The following SCFD1 variants were observed in gnomAD, a reference collection of about 807,000 sequenced individuals.
The protein encoded by SCFD1 is sec1 family domain-containing protein 1.
A neutral mutation model predicts 103.2 loss-of-function variants in SCFD1; 37 were observed. The observed-to-expected ratio is 0.36, with a 90% CI of 0.28 to 0.47. The LOEUF (loss-of-function observed/expected upper bound fraction) is 0.47. SCFD1 is among the 20% of genes least tolerant of loss of function. The pLI is 1.00. For synonymous variants in SCFD1, 264 were observed against 245.0 expected (o/e 1.08, Z -0.73); for missense variants, 639 against 761.2 (o/e 0.84, Z 1.89).
intron 7 of SCFD1, among the ~76,000 whole-genome samples, chr14:30,646,808 C>T (rs939042204): frequency 2.6e-5 from 4 of 151,996 alleles, no homozygotes; most frequent in Non-Finnish European, 4.4e-5. Flanking sequence ...TTTGTTATTC[C>T]AGAACTTCAG....
At chr14:30,643,851 T>A (rs899892030) in intron 7 of SCFD1, 2 of 410,950 alleles carry the variant, frequency 4.9e-6, no homozygotes, top group African/African-American at 4.2e-5. Context: ...TTATTTTTAA[T>A]TTTTTTTTAT....
At chr14:30,650,724 A>C in intron 9 of SCFD1, 74 bp downstream of exon 9, 1 of 845,922 alleles carries the variant, frequency 1.2e-6, no homozygotes, top group Non-Finnish European at 1.9e-6. Flanking sequence ...TTCTTGGCTG[A>C]TAGAATATCC....
At chr14:30,668,484 C>T (rs1368908393) in intron 10 of SCFD1, among the ~76,000 whole-genome samples, 3 of 152,142 alleles carry the variant, frequency 2.0e-5, no homozygotes, top group Admixed American at 6.5e-5. Context: ...AGGACATAGG[C>T]ATGGGCAAGG....
chr14:30,637,948 A>G (rs1285983157), intron 4 of SCFD1, among the ~76,000 whole-genome samples, 177 bp from the exon 5 acceptor site: 1 of 152,188 alleles, frequency 6.6e-6, no homozygotes, highest in Non-Finnish European at 1.5e-5. Flanking sequence ...CATTTTAGTT[A>G]CATCTGATAA....
At chr14:30,724,937 T>C (rs1267550679) in intron 23 of SCFD1, among the ~76,000 whole-genome samples, 1 of 152,188 alleles carries the variant, frequency 6.6e-6, no homozygotes, top group East Asian at 1.9e-4. Context: ...ATTTATTGAA[T>C]AGGGAGTCGT....
chr14:30,704,171 A>G (rs1422231334), intron 17 of SCFD1, among the ~76,000 whole-genome samples: 3 of 151,728 alleles, frequency 2.0e-5, no homozygotes, highest in African/African-American at 7.3e-5. Context: ...CATTGTTTAT[A>G]CATATGACAG....
intron 14 of SCFD1, chr14:30,683,014 GA>G: frequency 8.4e-7 from 1 of 1,189,696 alleles, no homozygotes; most frequent in Admixed American, 2.2e-5. Context: ...AAGTTAAAAA[GA>G]CGACACAAGG....
chr14:30,728,198 A>G (rs1359243070), intron 23 of SCFD1, among the ~76,000 whole-genome samples: 1 of 152,036 alleles, frequency 6.6e-6, no homozygotes, highest in African/African-American at 2.4e-5. Context: ...CTTTAATTTC[A>G]TGCCTTTTAT....
chr14:30,719,299 T>C lies in SCFD1; in HGVS notation c.1684-26T>C, dbSNP rs150956814. On this transcript the variant is annotated intron_variant, in intron 20 of 24. Transcript: ENST00000458591. ...CTTCTGAAGAGAAATTCCACAGTCATGGTAAAGTTCTATTTTTTTTAATAG... is the reference window on the plus strand; with the variant it reads ...CTTCTGAAGAGAAATTCCACAGTCACGGTAAAGTTCTATTTTTTTTAATAG... The C allele has an allele frequency of 1.3e-3, 1,931 of 1,482,082 alleles. 48 individuals carry two copies. In the Admixed American group the frequency reaches 0.033, roughly 25 times the overall value. The allele number at this position is 1,482,082 out of a possible 1,614,324, so 91.8% of individuals were successfully genotyped here. A position where few individuals can be genotyped will look rare whatever the true frequency, so the allele number is the denominator to read the frequency against.
At chr14:30,703,130 C>G (rs961902516) in intron 17 of SCFD1, among the ~76,000 whole-genome samples, 2 of 150,684 alleles carry the variant, frequency 1.3e-5, no homozygotes, top group Admixed American at 6.6e-5. Context: ...GCATGATAAA[C>G]AAGGCCCCAA....
intron 2 of SCFD1, among the ~76,000 whole-genome samples, chr14:30,629,577 ATT>A (rs571309645): frequency 1.9e-4 from 26 of 135,534 alleles, no homozygotes; most frequent in Admixed American, 2.2e-4. Context: ...TAGGGACTTA[ATT>A]TTTTTTTTTT....
At chr14:30,644,385 G>A (rs550085548) in intron 7 of SCFD1, among the ~76,000 whole-genome samples, 8 of 152,210 alleles carry the variant, frequency 5.3e-5, no homozygotes, top group South Asian at 2.1e-4. Flanking sequence ...TTGCTGAGTC[G>A]GATGGTAGTT....
chr14:30,720,566 G>C (rs1401608834), intron 21 of SCFD1, among the ~76,000 whole-genome samples: 2 of 152,040 alleles, frequency 1.3e-5, no homozygotes, highest in Non-Finnish European at 2.9e-5. Flanking sequence ...TATTTGGGGG[G>C]AAAAACGGAT....
intron 20 of SCFD1, among the ~76,000 whole-genome samples, chr14:30,717,278 C>T (rs117291084): frequency 0.035 from 5,268 of 152,226 alleles, 120 homozygotes; most frequent in Middle Eastern, 0.061. Flanking sequence ...GAGTTTGAGA[C>T]CAGCCTAGGC....
intron 14 of SCFD1, among the ~76,000 whole-genome samples, chr14:30,692,462 G>A (rs778622369): frequency 1.3e-5 from 2 of 152,132 alleles, no homozygotes; most frequent in African/African-American, 2.4e-5. Flanking sequence ...AAGGGAGAGA[G>A]TAGGGATTGA....
Position 30,622,411 on chromosome 14 carries a change from T to A in SCFD1, c.61+12T>A, listed in dbSNP as rs939543679. ...GGAAAGGCAGACAGGTACTGACTTA[T>A]TCTCTTCTCCTTGAAGCTTCGTGAC... On this transcript the variant is annotated intron_variant, in intron 1 of 24. Transcript: ENST00000458591. The A allele has an allele frequency of 6.4e-7, 1 of 1,551,688 alleles. No homozygotes were observed. Among genetic ancestry groups the A allele is most frequent in the Non-Finnish European group, 8.7e-7 (1 of 1,146,940 alleles).
At chr14:30,649,610 G>A (rs777428561) in intron 8 of SCFD1, 27 bp downstream of exon 8, 38 of 1,525,060 alleles carry the variant, frequency 2.5e-5, no homozygotes, top group Non-Finnish European at 3.3e-5. Context: ...ATCACGTGGA[G>A]ATAAATAACA....
At chr14:30,644,943 T>G (rs1885659834) in intron 7 of SCFD1, among the ~76,000 whole-genome samples, 1 of 152,204 alleles carries the variant, frequency 6.6e-6, no homozygotes, top group Non-Finnish European at 1.5e-5. Flanking sequence ...TAGGTTTTCT[T>G]CTAGGATTTT....
At chr14:30,729,803 A>G (rs1594776456) in intron 23 of SCFD1, among the ~76,000 whole-genome samples, 1 of 152,050 alleles carries the variant, frequency 6.6e-6, no homozygotes, top group African/African-American at 2.4e-5. Flanking sequence ...TTCCTTTTAT[A>G]TCTTTAATTT....
Sources: gnomAD v4.1 joint callset for allele counts (sites outside exome capture counted in the v4.1 genomes callset) on GRCh38, gnomAD v4.1.1 for gene constraint, MANE v1.5 for transcripts, NCBI Gene and HGNC (gene_info 2026-07-23, HGNC 2026-07-21) for gene names.